The following GPC6 variants were observed in gnomAD, a reference collection of about 807,000 sequenced individuals.
GPC6 encodes glypican-6.
A neutral mutation model predicts 55.2 loss-of-function variants in GPC6; 14 were observed. The ratio of observed to expected loss-of-function variants is 0.25; its 90% CI spans 0.17 to 0.40. The LOEUF is 0.40. Ranked by LOEUF, GPC6 falls within the 10% of genes least tolerant of loss-of-function variation. The pLI is 1.00. For synonymous variants in GPC6, 278 were observed against 259.6 expected, an observed-to-expected ratio of 1.07 and a Z score of -0.68; for missense variants, 641 against 708.5, an observed-to-expected ratio of 0.90 and a Z score of 1.08.
chr13:93,369,056 T>C (rs1013092842), intron 1 of GPC6, among the ~76,000 whole-genome samples: 1 of 152,058 alleles, frequency 6.6e-6, no homozygotes, highest in Admixed American at 6.6e-5. Flanking sequence ...GCCTACTCTT[T>C]ACTAGACATT....
At chr13:94,207,356 A>G (rs1291997095) in intron 4 of GPC6, among the ~76,000 whole-genome samples, 3 of 152,222 alleles carry the variant, frequency 2.0e-5, no homozygotes, top group South Asian at 2.1e-4. Flanking sequence ...TAACAAACCC[A>G]TATTTCCGAT....
chr13:93,686,972 T>C lies in GPC6; in HGVS notation c.319+141551T>C, dbSNP rs866269772. Among the ~76,000 whole-genome samples the C allele has an allele frequency of 8.5e-5, 13 of 152,058 alleles. No homozygotes were observed. In the South Asian group the frequency reaches 1.2e-3, roughly 15 times the overall value. ...ATCCCATTGCCGATTTTAAAGCCTATATAACATTTTATTTTTCTAAGGTCA... is the reference window on the plus strand; with the variant it reads ...ATCCCATTGCCGATTTTAAAGCCTACATAACATTTTATTTTTCTAAGGTCA... On this transcript the variant is annotated intron_variant, in intron 2 of 8. Transcript: ENST00000377047.
intron 4 of GPC6, among the ~76,000 whole-genome samples, chr13:94,249,914 G>A (rs1482093505): frequency 1.3e-5 from 2 of 152,136 alleles, no homozygotes; most frequent in African/African-American, 4.8e-5. Flanking sequence ...AGAAAAGAGT[G>A]CAGTGATAAA....
intron 1 of GPC6, among the ~76,000 whole-genome samples, chr13:93,280,308 A>G (rs1877906625): frequency 6.6e-6 from 1 of 152,198 alleles, no homozygotes; most frequent in African/African-American, 2.4e-5. Flanking sequence ...CATTCTTTGT[A>G]TACATATGGT....
intron 4 of GPC6, among the ~76,000 whole-genome samples, chr13:94,196,227 A>G (rs1889571576): frequency 1.3e-5 from 2 of 151,344 alleles, no homozygotes; most frequent in Admixed American, 6.6e-5. Context: ...GCACAAGAAT[A>G]TCTCTTATAA....
chr13:94,329,040 GA>G (rs1481562537), intron 6 of GPC6, among the ~76,000 whole-genome samples: 2 of 152,196 alleles, frequency 1.3e-5, no homozygotes, highest in Admixed American at 6.5e-5. Context: ...GGGGGGGGCT[GA>G]AATGGAGTTG....
chr13:94,026,526 A>C (rs1367716348), intron 3 of GPC6, among the ~76,000 whole-genome samples: 1 of 152,022 alleles, frequency 6.6e-6, no homozygotes, highest in Non-Finnish European at 1.5e-5. Context: ...TAAAATATCA[A>C]AGTGATATGG....
At chr13:93,721,526 G>C (rs192821248) in intron 2 of GPC6, among the ~76,000 whole-genome samples, 1 of 151,766 alleles carries the variant, frequency 6.6e-6, no homozygotes, top group African/African-American at 2.4e-5. Context: ...GAAATAAAGA[G>C]TCTCCAGTAC....
chr13:93,218,594 A>T, the GPC6 span, among the ~76,000 whole-genome samples: 1 of 152,230 alleles, frequency 6.6e-6, no homozygotes, highest in Non-Finnish European at 1.5e-5. Context: ...AGATGGAAGT[A>T]TGTTTGTGAT....
intron 1 of GPC6, among the ~76,000 whole-genome samples, chr13:93,316,705 A>G (rs1879260298): frequency 6.6e-6 from 1 of 152,084 alleles, no homozygotes; most frequent in South Asian, 2.1e-4. Context: ...ATTATCAAAT[A>G]CCTCTTTAAA....
chr13:94,284,527 G>T (rs1257708736), intron 4 of GPC6, among the ~76,000 whole-genome samples: 1 of 147,488 alleles, frequency 6.8e-6, no homozygotes, highest in Non-Finnish European at 1.5e-5. Context: ...CTTCTATCAG[G>T]TAGCTTTTTT....
intron 3 of GPC6, among the ~76,000 whole-genome samples, chr13:93,891,168 T>TATA (rs1424875889): frequency 2.0e-5 from 3 of 152,190 alleles, no homozygotes; most frequent in Non-Finnish European, 4.4e-5. Flanking sequence ...ATTACTTTAA[T>TATA]GTTCACAGTG....
At chr13:93,902,735 A>G (rs185503704) in intron 3 of GPC6, among the ~76,000 whole-genome samples, 56 of 152,272 alleles carry the variant, frequency 3.7e-4, no homozygotes, top group African/African-American at 1.2e-3. Context: ...AGAATAGTCA[A>G]TCTAACAGGT....
intron 6 of GPC6, among the ~76,000 whole-genome samples, chr13:94,363,295 A>C (rs181325920): frequency 3.9e-5 from 6 of 152,274 alleles, no homozygotes; most frequent in Non-Finnish European, 8.8e-5. Flanking sequence ...TCATAGGCAA[A>C]ATTTTGATGG....
intron 2 of GPC6, among the ~76,000 whole-genome samples, chr13:93,581,496 A>G (rs1399560358): frequency 6.6e-6 from 1 of 152,160 alleles, no homozygotes; most frequent in Non-Finnish European, 1.5e-5. Context: ...TTGCTTGAGT[A>G]CAGGAGTTTG....
At chr13:93,925,072 G>A (rs1217887785) in intron 3 of GPC6, among the ~76,000 whole-genome samples, 4 of 152,084 alleles carry the variant, frequency 2.6e-5, no homozygotes, top group African/African-American at 4.8e-5. Flanking sequence ...ATTACACACA[G>A]CACAGTGCTA....
rs115772842 is a variant in GPC6, at chr13:94,345,845, T to C, written c.1153-36569T>C. 8.2e-3 allele frequency among the ~76,000 whole-genome samples: 1,250 copies of C among 152,284 alleles called. 16 individuals carry two copies. Among genetic ancestry groups the C allele is most frequent in the African/African-American group, 0.029 (1,190 of 41,556 alleles). Reference sequence around the variant, plus strand: ...GTGGCTTAATACAAGAGAAATGTATTGTCTCAGTTCTGAAGCCTAGACGTC... The same window carrying C: ...GTGGCTTAATACAAGAGAAATGTATCGTCTCAGTTCTGAAGCCTAGACGTC... On this transcript the variant is annotated intron_variant, in intron 6 of 8. Transcript: ENST00000377047.
intron 3 of GPC6, among the ~76,000 whole-genome samples, chr13:93,987,286 C>G (rs1168103663): frequency 2.0e-5 from 3 of 152,098 alleles, no homozygotes; most frequent in Non-Finnish European, 4.4e-5. Flanking sequence ...AATTATGCAT[C>G]CATGCATTCA....
At chr13:93,844,963 G>A (rs1056946308) in intron 3 of GPC6, among the ~76,000 whole-genome samples, 14 of 152,078 alleles carry the variant, frequency 9.2e-5, no homozygotes, top group South Asian at 4.2e-4. Context: ...GTAGGTATGC[G>A]GCGTTATTTC....
Sources: gnomAD v4.1 joint callset for allele counts (sites outside exome capture counted in the v4.1 genomes callset) on GRCh38, gnomAD v4.1.1 for gene constraint, MANE v1.5 for transcripts, NCBI Gene and HGNC (gene_info 2026-07-23, HGNC 2026-07-21) for gene names.